CSMD1: variants seen among roughly 807,000 people sequenced by gnomAD.
CSMD1 encodes CUB and sushi domain-containing protein 1.
Under a neutral mutation model 417.5 loss-of-function variants are expected in CSMD1, and 213 were observed. The observed-to-expected ratio is 0.51, with a 90% CI of 0.46 to 0.57. CSMD1 has a LOEUF of 0.57. Ranked by LOEUF, CSMD1 falls within the 20% of genes least tolerant of loss-of-function variation. The probability of loss-of-function intolerance (pLI) is 0.00; values close to 1 mark genes in which losing one functional copy is unlikely to be tolerated. For missense variants in CSMD1, 6,923 were observed against 4,529.7 expected, an observed-to-expected ratio of 1.53 and a Z score of -15.17; for synonymous variants, 2,862 against 1,736.8, an observed-to-expected ratio of 1.65 and a Z score of -16.11.
At chr8:4,781,546 G>A (rs1026297268) in intron 1 of CSMD1, among the ~76,000 whole-genome samples, 2 of 152,234 alleles carry the variant, frequency 1.3e-5, no homozygotes. Context: ...AGGCCAATAG[G>A]ATAATAAAAG....
intron 7 of CSMD1, among the ~76,000 whole-genome samples, chr8:3,629,485 T>C (rs965158297): frequency 3.9e-5 from 6 of 152,184 alleles, no homozygotes; most frequent in African/African-American, 1.4e-4. Flanking sequence ...GAATACACAA[T>C]ACACCTAGCA....
intron 3 of CSMD1, among the ~76,000 whole-genome samples, chr8:4,081,324 A>G (rs1164567568): frequency 6.6e-6 from 1 of 152,194 alleles, no homozygotes; most frequent in Non-Finnish European, 1.5e-5. Flanking sequence ...CCCACGTTGA[A>G]TAGGTTTGAT....
intron 1 of CSMD1, among the ~76,000 whole-genome samples, chr8:4,833,955 T>G (rs1800303168): frequency 6.6e-6 from 1 of 152,176 alleles, no homozygotes; most frequent in Non-Finnish European, 1.5e-5. Context: ...TGACTAGTCT[T>G]CACTATCTTA....
chr8:4,228,349 T>C (rs919987773), intron 3 of CSMD1, among the ~76,000 whole-genome samples: 2 of 152,158 alleles, frequency 1.3e-5, no homozygotes, highest in Non-Finnish European at 2.9e-5. Flanking sequence ...CTCCCTCCCA[T>C]TTTCCTTTCC....
chr8:3,753,619 A>G (rs775639295), intron 6 of CSMD1, among the ~76,000 whole-genome samples: 27 of 152,338 alleles, frequency 1.8e-4, no homozygotes, highest in South Asian at 1.4e-3. Flanking sequence ...CAATAGCCAA[A>G]CTGCTGTGGA....
chr8:4,335,984 C>G (rs1563068130), intron 3 of CSMD1, among the ~76,000 whole-genome samples: 1 of 152,144 alleles, frequency 6.6e-6, no homozygotes, highest in Non-Finnish European at 1.5e-5. Context: ...ACTATAGGGT[C>G]AGCCCCGCTC....
At chr8:4,630,966 T>C (rs763619022) in intron 2 of CSMD1, among the ~76,000 whole-genome samples, 1 of 152,146 alleles carries the variant, frequency 6.6e-6, no homozygotes, top group Non-Finnish European at 1.5e-5. Context: ...AGTCAAAACA[T>C]GTGTGGTGTT....
At chr8:3,707,982 C>T (rs1801270979) in intron 7 of CSMD1, among the ~76,000 whole-genome samples, 1 of 152,128 alleles carries the variant, frequency 6.6e-6, no homozygotes, top group Admixed American at 6.6e-5. Flanking sequence ...TAGACATTGC[C>T]CGAAAGCTAC....
intron 49 of CSMD1, among the ~76,000 whole-genome samples, chr8:3,082,579 G>C (rs1814183092): frequency 6.6e-6 from 1 of 152,134 alleles, no homozygotes; most frequent in Non-Finnish European, 1.5e-5. Context: ...TATTCACCTT[G>C]GTACCCGCCT....
chr8:4,976,709 A>G (rs1810581348), intron 1 of CSMD1, among the ~76,000 whole-genome samples: 1 of 152,148 alleles, frequency 6.6e-6, no homozygotes, highest in South Asian at 2.1e-4. Flanking sequence ...GTTTTAATAT[A>G]CCCCATGCCA....
chr8:3,044,649 C>T (rs1469913044), intron 50 of CSMD1, among the ~76,000 whole-genome samples: 1 of 151,402 alleles, frequency 6.6e-6, no homozygotes, highest in Non-Finnish European at 1.5e-5. Flanking sequence ...AAAAAAGGGA[C>T]CTCAAACATC....
At chr8:3,613,276 C>G (rs776470599) in intron 8 of CSMD1, 4 of 420,508 alleles carry the variant, frequency 9.5e-6, no homozygotes, top group South Asian at 5.2e-5. Context: ...AATTAAAAAC[C>G]TACTTGTAAG....
At chr8:4,183,282 T>C (rs113656785) in intron 3 of CSMD1, among the ~76,000 whole-genome samples, 2 of 152,274 alleles carry the variant, frequency 1.3e-5, no homozygotes, top group African/African-American at 4.8e-5. Flanking sequence ...TGTAAAAAAA[T>C]ATTTACACTA....
At chr8:3,844,911 ATTT>A (rs386721134) in intron 5 of CSMD1, among the ~76,000 whole-genome samples, 3 of 134,998 alleles carry the variant, frequency 2.2e-5, no homozygotes, top group African/African-American at 1.1e-4. Context: ...TTGTCTGTGC[ATTT>A]AAAAACTGCC....
At chr8:4,501,219 A>C (rs1585172015) in intron 2 of CSMD1, among the ~76,000 whole-genome samples, 1 of 152,196 alleles carries the variant, frequency 6.6e-6, no homozygotes, top group East Asian at 1.9e-4. Flanking sequence ...TATCCTCTAT[A>C]ACATTGCTGG....
chr8:3,022,412 C>T (rs1314332529), intron 51 of CSMD1, among the ~76,000 whole-genome samples: 1 of 152,248 alleles, frequency 6.6e-6, no homozygotes, highest in Non-Finnish European at 1.5e-5. Context: ...CACGTGCAAT[C>T]CCACATCGAC....
chr8:3,670,547 T>G (rs1031484153), intron 7 of CSMD1, among the ~76,000 whole-genome samples: 1 of 118,952 alleles, frequency 8.4e-6, no homozygotes, highest in Admixed American at 8.5e-5. Context: ...TATACATATA[T>G]CCCATATATA....
intron 2 of CSMD1, among the ~76,000 whole-genome samples, chr8:4,554,099 A>C (rs1394131674): frequency 6.6e-6 from 1 of 152,134 alleles, no homozygotes; most frequent in Non-Finnish European, 1.5e-5. Context: ...GTGTAAATTC[A>C]ACATATTTAT....
intron 2 of CSMD1, among the ~76,000 whole-genome samples, chr8:4,500,019 G>A (rs1487956638): frequency 6.6e-6 from 1 of 152,088 alleles, no homozygotes; most frequent in Non-Finnish European, 1.5e-5. Flanking sequence ...AAAGAAGCGG[G>A]AGAAGTTGTA....
Sources: allele counts gnomAD v4.1 joint callset (sites outside exome capture counted in the v4.1 genomes callset), GRCh38; gene constraint gnomAD v4.1.1; transcripts MANE v1.5; gene names NCBI Gene and HGNC (gene_info 2026-07-23, HGNC 2026-07-21).